The following SGCD variants were observed in gnomAD, a reference collection of about 807,000 sequenced individuals.
The protein encoded by SGCD is sarcoglycan delta.
A neutral mutation model predicts 36.6 loss-of-function variants in SGCD; 18 were observed. The observed-to-expected ratio is 0.49, with a 90% CI of 0.34 to 0.73. The LOEUF is 0.73. SGCD is among the 30% of genes least tolerant of loss of function. The probability of loss-of-function intolerance (pLI) is 0.01; values close to 1 mark genes in which losing one functional copy is unlikely to be tolerated. For synonymous variants in SGCD, 133 were observed against 130.6 expected, an observed-to-expected ratio of 1.02 and a Z score of -0.12; for missense variants, 387 against 346.7, an observed-to-expected ratio of 1.12 and a Z score of -0.92.
intron 7 of SGCD, among the ~76,000 whole-genome samples, chr5:156,656,753 G>A (rs1763698547): frequency 6.6e-6 from 1 of 152,086 alleles, no homozygotes; most frequent in Non-Finnish European, 1.5e-5. Flanking sequence ...ATTGAAAAGA[G>A]CTTGAAATAA....
At chr5:156,693,164 C>A (rs1379273184) in intron 7 of SGCD, among the ~76,000 whole-genome samples, 1 of 152,148 alleles carries the variant, frequency 6.6e-6, no homozygotes, top group Non-Finnish European at 1.5e-5. Context: ...TTATAACTTT[C>A]TGATGTTCCA....
intron 4 of SGCD, among the ~76,000 whole-genome samples, chr5:156,528,904 T>G (rs1757759129): frequency 6.6e-6 from 1 of 152,196 alleles, no homozygotes; most frequent in Admixed American, 6.5e-5. Flanking sequence ...CTAATACTTT[T>G]GATTTCAAGA....
chr5:156,196,351 C>G (rs764576404), intron 3 of SGCD, among the ~76,000 whole-genome samples: 1 of 152,156 alleles, frequency 6.6e-6, no homozygotes, highest in African/African-American at 2.4e-5. Context: ...CCCAAACTAC[C>G]TTTAACATAC....
chr5:156,426,392 T>C (rs1024756031), intron 3 of SGCD, among the ~76,000 whole-genome samples: 4 of 152,002 alleles, frequency 2.6e-5, no homozygotes, highest in African/African-American at 9.7e-5. Context: ...CTATTCATGT[T>C]CTTTAATTAT....
chr5:156,192,290 G>A (rs1386262437), intron 3 of SGCD, among the ~76,000 whole-genome samples: 1 of 152,138 alleles, frequency 6.6e-6, no homozygotes, highest in Admixed American at 6.6e-5. Flanking sequence ...ACACAAAATA[G>A]TATTCCAGTA....
chr5:156,638,683 C>G (rs1182297140), intron 6 of SGCD, among the ~76,000 whole-genome samples: 1 of 151,888 alleles, frequency 6.6e-6, no homozygotes, highest in Non-Finnish European at 1.5e-5. Context: ...AATGAAGTTG[C>G]TTGCTGCTTG....
chr5:156,490,575 C>T (rs779640798), intron 3 of SGCD, among the ~76,000 whole-genome samples: 10 of 151,592 alleles, frequency 6.6e-5, no homozygotes, highest in Non-Finnish European at 1.2e-4. Context: ...AAATGCAGTA[C>T]AGTACATCAA....
chr5:155,930,484 T>G (rs568516294), intron 1 of SGCD, among the ~76,000 whole-genome samples: 8 of 152,062 alleles, frequency 5.3e-5, no homozygotes, highest in African/African-American at 1.9e-4. Context: ...ACACAATAGG[T>G]TCTCTGATAT....
At position 156,363,199 on chromosome 5, in the gene SGCD, C is replaced by T. The variant is rs73815048; in HGVS notation, c.192+18522C>T. On this transcript the variant is annotated intron_variant, in intron 3 of 8. Coordinates refer to ENST00000337851, the MANE Select transcript of SGCD (RefSeq NM_000337.6). ...TCAGTTAATTGCACAAATAGCTTTC[C>T]GTGTAAACAATAACCTCTTCACTAC... Among the ~76,000 whole-genome samples the T allele has an allele frequency of 3.7e-3, 559 of 152,198 alleles. 3 individuals carry two copies. Among genetic ancestry groups the T allele is most frequent in the African/African-American group, 0.013 (530 of 41,540 alleles).
At chr5:156,452,491 C>T (rs896340162) in intron 3 of SGCD, among the ~76,000 whole-genome samples, 4 of 152,124 alleles carry the variant, frequency 2.6e-5, no homozygotes, top group Non-Finnish European at 5.9e-5. Flanking sequence ...AAGTACCCTC[C>T]TTAGGTTACA....
chr5:155,840,586 G>T, the SGCD span, among the ~76,000 whole-genome samples: 1 of 109,190 alleles, frequency 9.2e-6, no homozygotes, highest in Non-Finnish European at 1.9e-5. Context: ...ACTGCACCCG[G>T]CTTGTGTGTG....
At chr5:156,391,007 C>T (rs1311296838) in intron 3 of SGCD, among the ~76,000 whole-genome samples, 1 of 152,152 alleles carries the variant, frequency 6.6e-6, no homozygotes, top group African/African-American at 2.4e-5. Flanking sequence ...TAGTGTTCAG[C>T]AATATCCTAG....
At chr5:156,305,235 G>A (rs1470122199) in intron 3 of SGCD, among the ~76,000 whole-genome samples, 2 of 152,150 alleles carry the variant, frequency 1.3e-5, no homozygotes, top group Non-Finnish European at 2.9e-5. Flanking sequence ...AGGTCAGGAG[G>A]CCTAGGAGGA....
At chr5:155,997,890 G>A (rs980437798) in intron 1 of SGCD, among the ~76,000 whole-genome samples, 4 of 152,214 alleles carry the variant, frequency 2.6e-5, no homozygotes, top group African/African-American at 9.6e-5. Context: ...AGTTCCATTA[G>A]AGAGAGACCT....
upstream of SGCD, among the ~76,000 whole-genome samples, chr5:155,869,168 A>T (rs1319102679): frequency 6.6e-6 from 1 of 152,148 alleles, no homozygotes; most frequent in African/African-American, 2.4e-5. Context: ...AATAGACATG[A>T]ATTTCATCTC....
intron 4 of SGCD, among the ~76,000 whole-genome samples, chr5:156,557,818 G>T (rs906323024): frequency 6.6e-6 from 1 of 151,804 alleles, no homozygotes; most frequent in African/African-American, 2.4e-5. Flanking sequence ...TTGTGGGCAG[G>T]CCTCAATTAC....
intron 3 of SGCD, among the ~76,000 whole-genome samples, chr5:156,248,516 T>C (rs1765493696): frequency 6.6e-6 from 1 of 151,698 alleles, no homozygotes; most frequent in South Asian, 2.1e-4. Context: ...AGGCTCCGTC[T>C]AAAAAAAACA....
Position 156,157,489 on chromosome 5 carries a change from A to G in SGCD, c.-44+33470A>G, listed in dbSNP as rs188996304. 8.8e-4 allele frequency among the ~76,000 whole-genome samples: 134 copies of G among 151,884 alleles called. 1 individual carries two copies. The highest frequency in any genetic ancestry group is 1.5e-3 in the Non-Finnish European group (101 of 68,032). On this transcript the variant is annotated intron_variant, in intron 3 of 9. Transcript: ENST00000517913. ...GAAAGACCATTAATCCCACCTACTCAAAACCTCCATCTCTCACTATTCCCT... is the reference window on the plus strand; with the variant it reads ...GAAAGACCATTAATCCCACCTACTCGAAACCTCCATCTCTCACTATTCCCT...
intron 1 of SGCD, among the ~76,000 whole-genome samples, chr5:156,051,671 G>A (rs995275195): frequency 6.8e-6 from 1 of 146,052 alleles, no homozygotes; most frequent in Non-Finnish European, 1.5e-5. Flanking sequence ...AGAGGGGAAG[G>A]CAGACAGAAA....
Sources: gnomAD v4.1 joint callset for allele counts (sites outside exome capture counted in the v4.1 genomes callset) on GRCh38, gnomAD v4.1.1 for gene constraint, MANE v1.5 for transcripts, NCBI Gene and HGNC (gene_info 2026-07-23, HGNC 2026-07-21) for gene names.